The following NKX2-2 variants were observed in gnomAD, a reference collection of about 807,000 sequenced individuals.
NKX2-2 encodes the protein homeobox protein Nkx-2.2.
A neutral mutation model predicts 24.6 loss-of-function variants in NKX2-2; 8 were observed. That is an observed-to-expected ratio of 0.32 (90% CI 0.19 to 0.59). The LOEUF is 0.59. Ranked by LOEUF, NKX2-2 falls within the 20% of genes least tolerant of loss-of-function variation. The pLI, the probability that NKX2-2 is intolerant of heterozygous loss-of-function variation, is 0.86. For synonymous variants in NKX2-2, 217 were observed against 173.3 expected (o/e 1.25, Z -1.98); for missense variants, 381 against 373.9 (o/e 1.02, Z -0.16).
chr20:21,515,605 G>T (rs990847570), upstream of NKX2-2, among the ~76,000 whole-genome samples: 3 of 151,898 alleles, frequency 2.0e-5, no homozygotes, highest in East Asian at 5.8e-4. Context: ...TTTGGGGGGG[G>T]GGTGCAGGGG....
At position 21,512,372 on chromosome 20, in the gene NKX2-2, C is replaced by G; in HGVS notation, c.373G>C (p.Ala125Pro). Reference protein sequence around the residue: ...DKETPGGGGDAGKKRKRRVLF... With the variant: ...DKETPGGGGDPGKKRKRRVLF... ...ACTCGCCGCTTTCGCTTCTTGCCGGCGTCCCCCCCGCCGCCCGGGGTCTCC... is the reference window on the plus strand; with the variant it reads ...ACTCGCCGCTTTCGCTTCTTGCCGGGGTCCCCCCCGCCGCCCGGGGTCTCC... The change falls in exon 2 of 2, where the codon GCC becomes CCC. Residue 125 changes from alanine to proline, a missense_variant. Transcript: ENST00000377142. The G allele has an allele frequency of 6.2e-7, 1 of 1,605,592 alleles. No individual in the cohort carries two copies.
chr20:21,522,173 G>T, the NKX2-2 span, among the ~76,000 whole-genome samples: 1 of 152,246 alleles, frequency 6.6e-6, no homozygotes, highest in Non-Finnish European at 1.5e-5. Context: ...GCCGTGATCC[G>T]CAAAGTCGGG....
chr20:21,512,251 A>G lies in NKX2-2; in HGVS notation c.494T>C (p.Ile165Thr), dbSNP rs1379089389. The change falls in exon 2 of 2, where the codon ATC (isoleucine) becomes ACC (threonine). Residue 165 changes from isoleucine to threonine, a missense_variant. Physicochemically the swap from Ile to Thr is moderately conservative, Grantham distance 89. Around this residue, in one of 3 missense-constraint regions of NKX2-2, gnomAD observed 36 missense variants for 79.2 expected, o/e 0.45. Transcript: ENST00000377142. Reference protein sequence around the residue: ...APEREHLASLIRLTPTQVKIW... With the variant: ...APEREHLASLTRLTPTQVKIW... Reference sequence around the variant, plus strand: ...CTTGACCTGCGTGGGCGTGAGGCGGATGAGGCTGGCCAGGTGTTCGCGCTC... The same window carrying G: ...CTTGACCTGCGTGGGCGTGAGGCGGGTGAGGCTGGCCAGGTGTTCGCGCTC... The G allele has an allele frequency of 6.2e-7, 1 of 1,613,924 alleles. No individual in the cohort carries two copies. The highest frequency in any genetic ancestry group is 8.5e-7 in the Non-Finnish European group (1 of 1,179,926).
rs937004367 is a variant in NKX2-2, at chr20:21,511,803, G to C, written c.*120C>G. On this transcript the variant is annotated 3_prime_UTR_variant, in exon 2 of 2. Transcript: ENST00000377142. ...CCCTAGTGGAGCCGAGAGTCAACTC[G>C]ACTCCATAATAATAATTATAATAAT... 9 of 763,422 alleles carry C rather than the reference G, an allele frequency of 1.2e-5. No individual in the cohort carries two copies. The highest frequency in any genetic ancestry group is 1.7e-5 in the Non-Finnish European group (9 of 522,504). The allele number at this position is 763,422 out of a possible 1,614,324, so 47.3% of individuals were successfully genotyped here.
chr20:21,511,949 C>G lies in NKX2-2; in HGVS notation c.796G>C (p.Val266Leu), dbSNP rs1980446154. 2 of 1,600,692 alleles carry G rather than the reference C, an allele frequency of 1.2e-6. No homozygotes were observed. The highest frequency in any genetic ancestry group is 1.7e-5 in the Admixed American group (1 of 59,742). Reference sequence around the variant, plus strand: ...CACCAAGTCCACTGCTGGGCCTGGACCAGGGGGTGTGCTGTCGGGTACTGG... The same window carrying G: ...CACCAAGTCCACTGCTGGGCCTGGAGCAGGGGGTGTGCTGTCGGGTACTGG... The part of the protein sequence containing the change: ...TPQYPTAHPL[V>L]QAQQWTW The change falls in exon 2 of 2, where the codon GTC becomes CTC. Residue 266 changes from valine (V) to leucine (L), a missense_variant. Around this residue, in one of 3 missense-constraint regions of NKX2-2, gnomAD observed 139 missense variants for 121.7 expected, o/e 1.14. Transcript: ENST00000377142.
Position 21,512,163 on chromosome 20 carries a change from C to T in NKX2-2, c.582G>A (p.Val194=), listed in dbSNP as rs1474156745. 2 of 1,613,894 alleles carry T rather than the reference C, an allele frequency of 1.2e-6. No individual in the cohort carries two copies. Among genetic ancestry groups the T allele is most frequent in the Admixed American group, 3.3e-5 (2 of 60,018 alleles). Reference sequence around the variant, plus strand: ...CCCGGCGCGGCGAGGGCAGGGGCGTCACCTCCATACCTTTCTCGGCCCGGG... The same window carrying T: ...CCCGGCGCGGCGAGGGCAGGGGCGTTACCTCCATACCTTTCTCGGCCCGGG... ...KRARAEKGME[V]TPLPSPRRVA... The change falls in exon 2 of 2, where the codon GTG becomes GTA. Residue 194 remains valine (V), a synonymous_variant. Coordinates refer to ENST00000377142, the MANE Select transcript of NKX2-2 (RefSeq NM_002509.4).
upstream of NKX2-2, among the ~76,000 whole-genome samples, chr20:21,516,651 C>T (rs1013681999): frequency 7.2e-5 from 11 of 152,186 alleles, no homozygotes; most frequent in Non-Finnish European, 1.5e-4. Context: ...TTTTGTTCCT[C>T]CTCTTATTCC....
the NKX2-2 span, among the ~76,000 whole-genome samples, chr20:21,521,775 G>C: frequency 6.6e-6 from 1 of 152,020 alleles, no homozygotes; most frequent in Admixed American, 6.6e-5. Context: ...CCGGGCAATC[G>C]GGAGGGAGCT....
upstream of NKX2-2, among the ~76,000 whole-genome samples, chr20:21,516,114 T>C (rs1980631985): frequency 6.6e-6 from 1 of 152,212 alleles, no homozygotes; most frequent in Non-Finnish European, 1.5e-5. Flanking sequence ...TAATACATGA[T>C]TGACGCTCTC....
At chr20:21,518,301 T>C (rs1362798732), upstream of NKX2-2, among the ~76,000 whole-genome samples, 5 of 151,834 alleles carry the variant, frequency 3.3e-5, no homozygotes, top group East Asian at 5.8e-4. Context: ...ATTATCAGCA[T>C]TGGGGCTCCA....
chr20:21,516,930 T>C (rs1048280199), upstream of NKX2-2, among the ~76,000 whole-genome samples: 1 of 152,198 alleles, frequency 6.6e-6, no homozygotes, highest in African/African-American at 2.4e-5. Context: ...TTCCCCAGCA[T>C]AGTGACCCTT....
In NKX2-2 at chr20:21,513,429, C is replaced by A; in HGVS notation, c.241G>T (p.Glu81Ter). ...NPYTRWLAST[E>*]GLQYSLHGLA... is the part of the protein sequence containing the mutation. ...TACTTACGGGAGTACTGAAGGCCCT[C>A]GGTGCTGGCCAGCCAGCGCGTGTAC... is the stretch of plus-strand genomic sequence containing the variant. The change falls in exon 1 of 2, where the codon GAG becomes TAG. Residue 81 changes from glutamate (E) to a stop codon, truncating the protein, a stop_gained. Coordinates refer to ENST00000377142, the MANE Select transcript of NKX2-2 (RefSeq NM_002509.4). LOFTEE classifies it high-confidence loss of function. The surrounding 1 kb of genome is among the most constrained non-coding windows in gnomAD (Gnocchi z 4.6). The A allele has an allele frequency of 6.3e-7, 1 of 1,576,848 alleles. No homozygotes were observed. Among genetic ancestry groups the A allele is most frequent in the South Asian group, 1.2e-5 (1 of 85,420 alleles).
chr20:21,522,281 A>G, the NKX2-2 span, among the ~76,000 whole-genome samples: 4 of 152,102 alleles, frequency 2.6e-5, no homozygotes, highest in Non-Finnish European at 4.4e-5. Context: ...AGGGGCTCAT[A>G]ACCGGGGTCC....
At chr20:21,522,054 C>T in the NKX2-2 span, among the ~76,000 whole-genome samples, 1 of 152,240 alleles carries the variant, frequency 6.6e-6, no homozygotes, top group Admixed American at 6.5e-5. Context: ...CTGACCGCAC[C>T]GGAAAGTGCG....
At position 21,511,570 on chromosome 20, in the gene NKX2-2, C is replaced by A. The variant is rs1009912936; in HGVS notation, c.*353G>T. On this transcript the variant is annotated 3_prime_UTR_variant, in exon 2 of 2. Transcript: ENST00000377142. ...ATGCACGAAAGCAGGGGTGGGGGGT[C>A]GGTCTTTTTCTCGTTTTCAAGTGAC... 9 of 212,100 alleles carry A rather than the reference C, an allele frequency of 4.2e-5. No individual in the cohort carries two copies. Among genetic ancestry groups the A allele is most frequent in the Non-Finnish European group, 8.3e-5 (9 of 108,220 alleles). The allele number at this position is 212,100 out of a possible 1,614,324, so 13.1% of individuals were successfully genotyped here. A position where few individuals can be genotyped will look rare whatever the true frequency, so the allele number is the denominator to read the frequency against.
chr20:21,515,661 G>A (rs2122548031), upstream of NKX2-2, among the ~76,000 whole-genome samples: 1 of 152,010 alleles, frequency 6.6e-6, no homozygotes, highest in Middle Eastern at 3.4e-3. Context: ...GGAGTGTCAG[G>A]AAGGAGCTTT....
At chr20:21,514,680 C>A (rs1053415667), upstream of NKX2-2, among the ~76,000 whole-genome samples, 1 of 152,198 alleles carries the variant, frequency 6.6e-6, no homozygotes, top group African/African-American at 2.4e-5. Context: ...GGCCGAGCTG[C>A]GGAAATCTCT....
chr20:21,521,301 T>A, the NKX2-2 span, among the ~76,000 whole-genome samples: 3 of 151,982 alleles, frequency 2.0e-5, no homozygotes, highest in Non-Finnish European at 4.4e-5. Context: ...TGTGTGCGTG[T>A]GTGTTGTGGG....
rs372356384 is a variant in NKX2-2, at chr20:21,513,574, C to T, written c.96G>A (p.Pro32=). 1.2e-5 allele frequency: 20 copies of T among 1,613,564 alleles called. No individual in the cohort carries two copies. In the African/African-American group the frequency reaches 2.0e-4, roughly 16 times the overall value. ...NDEEGSVAEG[P]EEENEGPEPA... is the part of the protein sequence containing the mutation. ...GCTCGGGCCCCTCGTTCTCTTCCTC[C>T]GGACCTTCGGCCACAGAGCCCTCCT... Residue 32 remains proline, a synonymous_variant, in exon 1 of 2, where the codon CCG becomes CCA. Transcript: ENST00000377142. This position sits in a 1 kb window ranked among gnomAD's most constrained non-coding sequence, Gnocchi z 4.6.
Sources: gnomAD v4.1 joint callset for allele counts (sites outside exome capture counted in the v4.1 genomes callset) on GRCh38, gnomAD v4.1.1 for gene constraint, gnomAD v4.1.1 regional missense constraint, Gnocchi (gnomAD v3.1) non-coding constraint, MANE v1.5 for transcripts, NCBI Gene and HGNC (gene_info 2026-07-23, HGNC 2026-07-21) for gene names.